DACH2: variants seen among roughly 807,000 people sequenced by gnomAD.
DACH2 encodes dachshund family transcription factor 2.
In DACH2, 17 loss-of-function variants were observed where a neutral mutation model predicts 35.8. The observed-to-expected ratio is 0.48, with a 90% CI of 0.33 to 0.71. The LOEUF is 0.71. Among genes scored for constraint, DACH2 ranks in the 30% least tolerant of loss-of-function variants. The pLI is 0.02. For synonymous variants in DACH2, 195 were observed against 177.3 expected, an observed-to-expected ratio of 1.10 and a Z score of -0.79; for missense variants, 469 against 472.7, an observed-to-expected ratio of 0.99 and a Z score of 0.07.
intron 6 of DACH2, among the ~76,000 whole-genome samples, chrX:86,723,794 T>C (rs1352089848): frequency 9.0e-6 from 1 of 111,727 alleles, no homozygotes; most frequent in African/African-American, 3.2e-5. Flanking sequence ...ATTCTATAGA[T>C]GGTTCTCCCA....
intron 2 of DACH2, among the ~76,000 whole-genome samples, chrX:86,401,141 A>C (rs934987484): frequency 1.8e-5 from 2 of 112,101 alleles, no homozygotes; most frequent in Non-Finnish European, 3.8e-5. Flanking sequence ...CTGTGCTAGC[A>C]ATGATTGAGG....
At chrX:86,364,332 C>T (rs773344119) in intron 1 of DACH2, among the ~76,000 whole-genome samples, 2 of 105,420 alleles carry the variant, frequency 1.9e-5, no homozygotes, top group South Asian at 8.7e-4. Context: ...GATACAAAGA[C>T]ATTCTTCAAA....
At chrX:86,474,876 G>A (rs2037817652) in intron 2 of DACH2, among the ~76,000 whole-genome samples, 1 of 111,565 alleles carries the variant, frequency 9.0e-6, no homozygotes, top group Non-Finnish European at 1.9e-5. Flanking sequence ...TGGGATTACA[G>A]GTGCCCACCA....
intron 3 of DACH2, among the ~76,000 whole-genome samples, chrX:86,579,606 C>T (rs182233080): frequency 8.5e-4 from 95 of 111,731 alleles, no homozygotes; most frequent in African/African-American, 2.9e-3. Flanking sequence ...TATTCTGTAG[C>T]TTGTGTTTTT....
At chrX:86,610,362 C>CTTT (rs2039916474) in intron 3 of DACH2, among the ~76,000 whole-genome samples, 1 of 75,647 alleles carries the variant, frequency 1.3e-5, no homozygotes, top group African/African-American at 4.9e-5. Flanking sequence ...TTCCTTCCTT[C>CTTT]CTCTTTCTTT....
At chrX:86,231,088 G>C (rs913857046) in intron 1 of DACH2, among the ~76,000 whole-genome samples, 4 of 112,013 alleles carry the variant, frequency 3.6e-5, no homozygotes, top group Non-Finnish European at 5.6e-5. Context: ...TTGTCTGTTT[G>C]TCCTGTTTCA....
At chrX:86,774,248 C>G (rs2042011310) in intron 7 of DACH2, among the ~76,000 whole-genome samples, 1 of 111,960 alleles carries the variant, frequency 8.9e-6, no homozygotes, top group Non-Finnish European at 1.9e-5. Context: ...TAAGTATCTT[C>G]ATCATATTTG....
At chrX:86,328,004 C>T (rs1230474231) in intron 1 of DACH2, among the ~76,000 whole-genome samples, 1 of 111,669 alleles carries the variant, frequency 9.0e-6, no homozygotes, top group South Asian at 3.7e-4. Flanking sequence ...ACCATTACTG[C>T]AATACTTGTT....
chrX:86,589,768 A>G (rs979836309), intron 3 of DACH2, among the ~76,000 whole-genome samples: 1 of 111,487 alleles, frequency 9.0e-6, no homozygotes, highest in Non-Finnish European at 1.9e-5. Flanking sequence ...CTGGAGTGTT[A>G]TCTATTGGAG....
chrX:86,439,353 T>G (rs1459892083), intron 2 of DACH2, among the ~76,000 whole-genome samples: 2 of 112,104 alleles, frequency 1.8e-5, no homozygotes, highest in East Asian at 5.6e-4. Flanking sequence ...AAGAGGGTAT[T>G]TCTCCATTGT....
At chrX:86,230,458 G>T (rs1283100150) in intron 1 of DACH2, among the ~76,000 whole-genome samples, 1 of 111,050 alleles carries the variant, frequency 9.0e-6, no homozygotes, top group Non-Finnish European at 1.9e-5. Flanking sequence ...TTCTTTAGTT[G>T]TGTCCTTTCC....
At chrX:86,216,083 T>C (rs913268759) in intron 1 of DACH2, among the ~76,000 whole-genome samples, 1 of 112,231 alleles carries the variant, frequency 8.9e-6, no homozygotes, top group African/African-American at 3.2e-5. Flanking sequence ...TTGTGCATGA[T>C]GGCAACCACC....
At chrX:86,274,752 C>T (rs1602344623) in intron 1 of DACH2, among the ~76,000 whole-genome samples, 1 of 110,184 alleles carries the variant, frequency 9.1e-6, no homozygotes, top group African/African-American at 3.3e-5. Flanking sequence ...CCCACCTCGG[C>T]CTCCCAAAGT....
intron 1 of DACH2, among the ~76,000 whole-genome samples, chrX:86,310,126 G>T (rs1602389396): frequency 8.9e-6 from 1 of 112,082 alleles, no homozygotes; most frequent in Non-Finnish European, 1.9e-5. Context: ...CTGTTACTGG[G>T]CTTTGGTGGA....
chrX:86,423,568 C>T (rs182431583), intron 2 of DACH2, among the ~76,000 whole-genome samples: 2 of 108,762 alleles, frequency 1.8e-5, no homozygotes, highest in Admixed American at 2.0e-4. Flanking sequence ...ATATTCTACC[C>T]TTTTCAGATG....
intron 3 of DACH2, among the ~76,000 whole-genome samples, chrX:86,534,734 G>T (rs953850253): frequency 9.0e-6 from 1 of 110,954 alleles, no homozygotes; most frequent in African/African-American, 3.3e-5. Flanking sequence ...GGATTTCATG[G>T]TTGTATGCTT....
intron 1 of DACH2, among the ~76,000 whole-genome samples, chrX:86,313,119 A>G (rs1181271643): frequency 2.7e-5 from 3 of 111,249 alleles, no homozygotes; most frequent in Non-Finnish European, 5.7e-5. Flanking sequence ...ATTATATAAT[A>G]TATACATGTA....
At chrX:86,397,218 A>G (rs1382272706) in intron 2 of DACH2, among the ~76,000 whole-genome samples, 1 of 111,309 alleles carries the variant, frequency 9.0e-6, no homozygotes, top group Middle Eastern at 4.6e-3. Flanking sequence ...TAAAAATGCT[A>G]GTGATTTTTG....
intron 1 of DACH2, among the ~76,000 whole-genome samples, chrX:86,181,285 A>G (rs1251894809): frequency 9.1e-6 from 1 of 110,241 alleles, no homozygotes; most frequent in Admixed American, 9.8e-5. Flanking sequence ...TGCTGCACCC[A>G]TCAACCCGTC....
Sources: allele counts gnomAD v4.1 joint callset (sites outside exome capture counted in the v4.1 genomes callset), GRCh38; gene constraint gnomAD v4.1.1; transcripts MANE v1.5; gene names NCBI Gene and HGNC (gene_info 2026-07-23, HGNC 2026-07-21).